EXOC7: variants seen among roughly 807,000 people sequenced by gnomAD.
EXOC7 encodes the protein exocyst complex component Exo70.
Under a neutral mutation model 87.6 loss-of-function variants are expected in EXOC7, and 51 were observed. The observed-to-expected ratio is 0.58, with a 90% CI of 0.46 to 0.73. EXOC7 has a LOEUF of 0.73. Among genes scored for constraint, EXOC7 ranks in the 30% least tolerant of loss-of-function variants. The pLI, the probability that EXOC7 is intolerant of heterozygous loss-of-function variation, is 0.00. For synonymous variants in EXOC7, 327 were observed against 357.1 expected, an observed-to-expected ratio of 0.92 and a Z score of 0.95; for missense variants, 744 against 888.4, an observed-to-expected ratio of 0.84 and a Z score of 2.07.
rs2067337087 is a variant in EXOC7 at position 76,088,860 on chromosome 17, C to T, written c.1111G>A (p.Val371Met). The change falls in exon 9 of 19, where the codon GTG (valine) becomes ATG (methionine). Residue 371 changes from valine to methionine, a missense_variant. Val to Met is a conservative substitution (Grantham distance 21). This residue lies in a region of EXOC7 where 512 missense variants were observed against 573.0 expected (regional missense o/e 0.89). Coordinates refer to ENST00000589210, the MANE Select transcript of EXOC7 (RefSeq NM_001013839.4). The part of the protein sequence containing the change: ...NIVSAARKAI[V>M]RHDFSTVLTV... ...AGCACCGTGGAGAAGTCGTGTCGCACAATGGCCTTCCGGGCAGCAGACACG... is the reference window on the plus strand; with the variant it reads ...AGCACCGTGGAGAAGTCGTGTCGCATAATGGCCTTCCGGGCAGCAGACACG... 4 of 1,613,852 alleles carry T rather than the reference C, an allele frequency of 2.5e-6. 1 individual carries two copies. Among genetic ancestry groups the T allele is most frequent in the African/African-American group, 2.7e-5 (2 of 75,014 alleles).
intron 4 of EXOC7, among the ~76,000 whole-genome samples, chr17:76,100,294 T>C (rs931920612): frequency 5.3e-5 from 8 of 151,986 alleles, no homozygotes; most frequent in Admixed American, 2.6e-4. Flanking sequence ...CTACATAACA[T>C]TGTGAATCTA....
intron 4 of EXOC7, among the ~76,000 whole-genome samples, chr17:76,099,764 A>G (rs2067966662): frequency 6.6e-6 from 1 of 152,204 alleles, no homozygotes; most frequent in Non-Finnish European, 1.5e-5. Flanking sequence ...CCAAGTCACC[A>G]TCTTGCTCTG....
chr17:76,083,978 C>A, intron 18 of EXOC7, 28 bp downstream of exon 18: 1 of 1,530,276 alleles, frequency 6.5e-7, no homozygotes, highest in East Asian at 2.3e-5. Flanking sequence ...GTGGGCAGCA[C>A]AGGCTGGGAG....
chr17:76,089,423 C>T, intron 7 of EXOC7, 103 bp from the exon 8 acceptor site: 1 of 1,427,628 alleles, frequency 7.0e-7, no homozygotes, highest in Non-Finnish European at 9.6e-7. Context: ...CCCACACTGG[C>T]AGAGGATGGG....
In EXOC7 at chr17:76,089,250, C is replaced by T. The variant is rs139665048; in HGVS notation, c.972G>A (p.Ala324=). 92 of 1,614,000 alleles carry T rather than the reference C, an allele frequency of 5.7e-5. No individual in the cohort carries two copies. The highest frequency in any genetic ancestry group is 3.3e-4 in the Middle Eastern group (2 of 6,080). Residue 324 remains alanine, a synonymous_variant, in exon 8 of 19, where the codon GCG becomes GCA. Coordinates refer to ENST00000589210, the MANE Select transcript of EXOC7 (RefSeq NM_001013839.4). ...CGGCCAGCAGCTGGTACTCGCTCTG[C>T]GCCAGCTTGACGAAGGCACTGACGC... ...IHCVSAFVKL[A]QSEYQLLADI...
intron 4 of EXOC7, among the ~76,000 whole-genome samples, chr17:76,098,913 G>A (rs796478788): frequency 5.3e-5 from 8 of 151,120 alleles, no homozygotes; most frequent in African/African-American, 1.9e-4. Flanking sequence ...TCACTGAACC[G>A]TTAATTTGTC....
chr17:76,085,164 C>G (rs1194326285), intron 15 of EXOC7, 150 bp downstream of exon 15: 1 of 679,710 alleles, frequency 1.5e-6, no homozygotes, highest in Non-Finnish European at 2.5e-6. Context: ...CTCTCTCCAC[C>G]CCGTGAGTTT....
chr17:76,103,314 C>G (rs1463481844), intron 2 of EXOC7, 47 bp downstream of exon 2: 1 of 1,540,374 alleles, frequency 6.5e-7, no homozygotes, highest in Non-Finnish European at 8.8e-7. Flanking sequence ...AGGCTCTCCC[C>G]CAGGGTCCGG....
intron 15 of EXOC7, 31 bp from the exon 16 acceptor site, chr17:76,084,611 G>A (rs1471282641): frequency 6.2e-7 from 1 of 1,602,832 alleles, no homozygotes; most frequent in Non-Finnish European, 8.5e-7. Context: ...CATGAGGGCA[G>A]AGGGTGGCCT....
In EXOC7 at chr17:76,083,691, T is replaced by C. The variant is rs763250769; in HGVS notation, c.2012A>G (p.Gln671Arg). Residue 671 changes from glutamine to arginine, a missense_variant, in exon 19 of 19, where the codon CAG becomes CGG. Gln to Arg is a conservative substitution (Grantham distance 43, BLOSUM62 1). This residue lies in a region of EXOC7 where 228 missense variants were observed against 298.6 expected (regional missense o/e 0.76). Coordinates refer to ENST00000589210, the MANE Select transcript of EXOC7 (RefSeq NM_001013839.4). ...PEKYIKYGVE[Q>R]VGDMIDRLFD... is the part of the protein sequence containing the mutation. ...AAGGCGATCGATCATGTCGCCCACCTGCTCCACCCCGTACTTGATGTACTT... is the reference window on the plus strand; with the variant it reads ...AAGGCGATCGATCATGTCGCCCACCCGCTCCACCCCGTACTTGATGTACTT... The C allele has an allele frequency of 6.2e-7, 1 of 1,613,750 alleles. No homozygotes were observed. Among genetic ancestry groups the C allele is most frequent in the African/African-American group, 1.3e-5 (1 of 74,938 alleles).
chr17:76,084,645 G>A (rs972877854), intron 15 of EXOC7, 65 bp from the exon 16 acceptor site: 32 of 1,464,210 alleles, frequency 2.2e-5, no homozygotes, highest in Non-Finnish European at 3.0e-5. Context: ...GGCTTGTTTC[G>A]TTTGCTAAAT....
At position 76,094,502 on chromosome 17, in the gene EXOC7, C is replaced by T; in HGVS notation, c.720G>A (p.Lys240=). 6.2e-7 allele frequency: 1 copy of T among 1,614,074 alleles called. No individual in the cohort carries two copies. Among genetic ancestry groups the T allele is most frequent in the Non-Finnish European group, 8.5e-7 (1 of 1,180,000 alleles). ...AGGGAACCCCAGAGGAAGAACTGCT[C>T]TTATGGAAATGCTCCTTCAGTCCTT... ...SIKGLKEHFH[K]SSSSSGVPYS... Residue 240 remains lysine (K), a synonymous_variant, in exon 6 of 19, where the codon AAG becomes AAA. Coordinates refer to ENST00000589210, the MANE Select transcript of EXOC7 (RefSeq NM_001013839.4).
intron 13 of EXOC7, 51 bp from the exon 14 acceptor site, chr17:76,085,848 G>A (rs1420740596): frequency 2.5e-6 from 4 of 1,593,300 alleles, no homozygotes; most frequent in East Asian, 2.2e-5. Context: ...TGACCCAAAC[G>A]ACCCCACCCC....
chr17:76,103,471 A>T lies in EXOC7; in HGVS notation c.61-45T>A, dbSNP rs769076849. The T allele has an allele frequency of 2.6e-6, 4 of 1,566,954 alleles. No individual in the cohort carries two copies. The South Asian group carries it at 4.8e-5, about 19-fold the overall frequency. ...GGACATCACCAGAAACCAGAAGCTA[A>T]AGGAGACCACTGCGTCCCAACCCCA... On this transcript the variant is annotated intron_variant, in intron 1 of 18. Transcript: ENST00000589210.
rs1250910250 is a variant in EXOC7 at position 76,103,752 on chromosome 17, C to T, written c.-60G>A. 4 of 1,530,622 alleles carry T rather than the reference C, an allele frequency of 2.6e-6. No homozygotes were observed. Among genetic ancestry groups the T allele is most frequent in the Non-Finnish European group, 2.6e-6 (3 of 1,132,316 alleles). 94.8% of individuals were successfully genotyped at this position (1,530,622 alleles called of 1,614,324 possible). A position where few individuals can be genotyped will look rare whatever the true frequency, so the allele number is the denominator to read the frequency against. On this transcript the variant is annotated 5_prime_UTR_variant, in exon 1 of 19. Transcript: ENST00000589210. ...CTTTCCTCCGCGGGCCCACCGGGCC[C>T]CCGTCCCCGTCACACCCACTTCCGC...
chr17:76,101,438 A>G, intron 3 of EXOC7, 62 bp from the exon 4 acceptor site: 1 of 1,577,352 alleles, frequency 6.3e-7, no homozygotes, highest in South Asian at 1.2e-5. Context: ...CTAAGGACAC[A>G]GTATTTGGGA....
chr17:76,090,080 C>T (rs2067405343), intron 7 of EXOC7, among the ~76,000 whole-genome samples: 1 of 152,288 alleles, frequency 6.6e-6, no homozygotes, highest in African/African-American at 2.4e-5. Context: ...CACCTTCCCT[C>T]TCTGCCTGCT....
intron 2 of EXOC7, 36 bp from the exon 3 acceptor site, chr17:76,101,899 A>G: frequency 6.4e-7 from 1 of 1,569,880 alleles, no homozygotes; most frequent in Non-Finnish European, 8.7e-7. Flanking sequence ...TGGGACTCAC[A>G]GTGGTCCCAG....
At chr17:76,090,465 G>A (rs1490156498) in intron 7 of EXOC7, 5 of 1,551,518 alleles carry the variant, frequency 3.2e-6, no homozygotes, top group Non-Finnish European at 4.4e-6. Context: ...CGCCCCTTGG[G>A]GTACAGGGAA....
Sources: allele counts gnomAD v4.1 joint callset (sites outside exome capture counted in the v4.1 genomes callset), GRCh38; gene constraint gnomAD v4.1.1; regional missense constraint gnomAD v4.1.1; transcripts MANE v1.5; gene names NCBI Gene and HGNC (gene_info 2026-07-23, HGNC 2026-07-21).